METTL8: variants seen among roughly 807,000 people sequenced by gnomAD.
METTL8 encodes methyltransferase 8, tRNA N3-cytidine, also known as tRNA N(3)-cytidine methyltransferase METTL8, mitochondrial.
METTL8 carries 32 observed loss-of-function variants against 48.7 expected under a neutral mutation model. That is an observed-to-expected ratio of 0.66 (90% CI 0.50 to 0.88). METTL8 has a LOEUF of 0.88. METTL8 is among the 40% of genes least tolerant of loss of function. METTL8 has a pLI of 0.00. For missense variants in METTL8, 464 were observed against 474.4 expected (o/e 0.98, Z 0.20); for synonymous variants, 136 against 157.1 (o/e 0.87, Z 1.01).
At chr2:171,365,359 A>G (rs551462355) in intron 2 of METTL8, among the ~76,000 whole-genome samples, 1 of 152,202 alleles carries the variant, frequency 6.6e-6, no homozygotes, top group Non-Finnish European at 1.5e-5. Flanking sequence ...TATACATCTT[A>G]TTAAATGACT....
chr2:171,387,759 G>A (rs140515329), intron 2 of METTL8, among the ~76,000 whole-genome samples: 4 of 152,116 alleles, frequency 2.6e-5, no homozygotes, highest in African/African-American at 9.6e-5. Context: ...ATAACCACCT[G>A]TGGCTAGTGA....
chr2:171,388,652 C>T (rs560221395), intron 2 of METTL8, among the ~76,000 whole-genome samples: 3 of 152,238 alleles, frequency 2.0e-5, no homozygotes, highest in African/African-American at 7.2e-5. Flanking sequence ...TATAATTATG[C>T]TTTGCTTGAT....
intron 3 of METTL8, among the ~76,000 whole-genome samples, chr2:171,349,681 G>C (rs567821872): frequency 6.6e-6 from 1 of 152,182 alleles, no homozygotes; most frequent in African/African-American, 2.4e-5. Flanking sequence ...ATATAACCCA[G>C]AGGTGGGATT....
intron 3 of METTL8, among the ~76,000 whole-genome samples, chr2:171,341,130 C>T (rs1686707157): frequency 1.3e-5 from 2 of 151,788 alleles, no homozygotes; most frequent in South Asian, 4.2e-4. Flanking sequence ...GAGTTCAAGA[C>T]CAGCCTGACC....
Position 171,430,286 on chromosome 2 carries a change from A to C in METTL8, c.-13+3597T>G, listed in dbSNP as rs144579427. 7.7e-3 allele frequency among the ~76,000 whole-genome samples: 1,171 copies of C among 151,862 alleles called. 13 individuals carry two copies. The highest frequency in any genetic ancestry group is 0.027 in the African/African-American group (1,122 of 41,400). On this transcript the variant is annotated intron_variant, in intron 1 of 9. Coordinates refer to ENST00000375258, the MANE Select transcript of METTL8 (RefSeq NM_001321154.2). ...GGCAGGAGAATCACTTGAACCTGGG[A>C]GGTGGAGGCTGCAGTGAGCCGAGAT...
intron 1 of METTL8, among the ~76,000 whole-genome samples, chr2:171,393,313 A>G (rs113256118): frequency 1.3e-3 from 195 of 148,686 alleles, no homozygotes; most frequent in African/African-American, 4.7e-3. Flanking sequence ...GCTACACGAG[A>G]GGCCAAGCCT....
At chr2:171,394,151 T>C (rs1688838239) in intron 1 of METTL8, among the ~76,000 whole-genome samples, 2 of 152,212 alleles carry the variant, frequency 1.3e-5, no homozygotes, top group African/African-American at 4.8e-5. Context: ...AGACTATCAG[T>C]GTTCTATAAA....
chr2:171,390,389 T>G (rs1484315954), intron 2 of METTL8, among the ~76,000 whole-genome samples: 2 of 152,332 alleles, frequency 1.3e-5, no homozygotes, highest in African/African-American at 2.4e-5. Flanking sequence ...CAAGTCTTAT[T>G]TAAGAACTAC....
intron 7 of METTL8, among the ~76,000 whole-genome samples, chr2:171,329,309 T>G (rs1685281849): frequency 1.3e-5 from 2 of 152,238 alleles, no homozygotes; most frequent in Admixed American, 6.5e-5. Context: ...CTCTATAACA[T>G]TCAATTCAAA....
intron 1 of METTL8, among the ~76,000 whole-genome samples, chr2:171,411,032 T>C (rs573073930): frequency 6.6e-5 from 10 of 152,218 alleles, no homozygotes; most frequent in South Asian, 4.2e-4. Flanking sequence ...GTGGGAAAGA[T>C]CCCTCTACAA....
At chr2:171,425,708 G>A (rs1014657897) in intron 1 of METTL8, among the ~76,000 whole-genome samples, 2 of 152,206 alleles carry the variant, frequency 1.3e-5, no homozygotes, top group Non-Finnish European at 2.9e-5. Context: ...TGCTGTTTTA[G>A]GACTTCTACA....
In METTL8 at chr2:171,324,355, G is replaced by A; in HGVS notation, c.1041C>T (p.Val347=). ...TRAYFFTKGE[V]HSMFCKASLD... ...AACTGGCTTTGCAGAACATACTGTG[G>A]ACTTCCCCTGTGAGACAAAAATGGC... The change falls in exon 10 of 10, where the codon GTC becomes GTT. Residue 347 remains valine (V), a synonymous_variant. Coordinates refer to ENST00000375258, the MANE Select transcript of METTL8 (RefSeq NM_001321154.2). The A allele has an allele frequency of 1.3e-6, 2 of 1,551,234 alleles. No homozygotes were observed. Among genetic ancestry groups the A allele is most frequent in the South Asian group, 1.2e-5 (1 of 84,032 alleles).
At chr2:171,424,487 C>A (rs62183465) in intron 1 of METTL8, among the ~76,000 whole-genome samples, 19,350 of 152,158 alleles carry the variant, frequency 0.13, 1,534 homozygotes, top group Middle Eastern at 0.22. Context: ...CTGCCCAAGG[C>A]CATAGGAGCC....
At chr2:171,406,588 T>C (rs1160401576) in intron 1 of METTL8, among the ~76,000 whole-genome samples, 1 of 152,146 alleles carries the variant, frequency 6.6e-6, no homozygotes, top group Non-Finnish European at 1.5e-5. Flanking sequence ...ACCAGTTCTA[T>C]TGAATTAGGG....
chr2:171,379,874 G>A (rs1367686738), intron 2 of METTL8, among the ~76,000 whole-genome samples: 2 of 152,182 alleles, frequency 1.3e-5, no homozygotes, highest in Non-Finnish European at 2.9e-5. Context: ...TTGAAAAGGA[G>A]GGACTCCTCC....
chr2:171,368,780 T>C (rs1685983481), intron 2 of METTL8, among the ~76,000 whole-genome samples: 1 of 152,144 alleles, frequency 6.6e-6, no homozygotes, highest in South Asian at 2.1e-4. Context: ...AGCAGTCTTG[T>C]AGTCCCAGCT....
At chr2:171,358,170 A>G (rs1322280894) in intron 3 of METTL8, among the ~76,000 whole-genome samples, 1 of 151,932 alleles carries the variant, frequency 6.6e-6, no homozygotes, top group Non-Finnish European at 1.5e-5. Context: ...GGCCAACATG[A>G]CAAAACGCTA....
At chr2:171,343,680 T>C (rs1338115284) in intron 3 of METTL8, among the ~76,000 whole-genome samples, 1 of 152,180 alleles carries the variant, frequency 6.6e-6, no homozygotes, top group East Asian at 1.9e-4. Flanking sequence ...AGCTGAATTC[T>C]TCATTCAAAT....
At chr2:171,352,473 C>T (rs185439020) in intron 3 of METTL8, among the ~76,000 whole-genome samples, 1 of 152,136 alleles carries the variant, frequency 6.6e-6, no homozygotes, top group African/African-American at 2.4e-5. Context: ...CAGGATGATG[C>T]TGGCCTCATA....
Sources: gnomAD v4.1 joint callset for allele counts (sites outside exome capture counted in the v4.1 genomes callset) on GRCh38, gnomAD v4.1.1 for gene constraint, MANE v1.5 for transcripts, NCBI Gene and HGNC (gene_info 2026-07-23, HGNC 2026-07-21) for gene names.